Variants in RTN4 observed in about 807,000 individuals in gnomAD.
RTN4 encodes the protein reticulon-4.
Under a neutral mutation model 90.4 loss-of-function variants are expected in RTN4, and 32 were observed. That is an observed-to-expected ratio of 0.35 (90% CI 0.27 to 0.48). The LOEUF (loss-of-function observed/expected upper bound fraction) is 0.48. RTN4 is among the 20% of genes least tolerant of loss of function. RTN4 has a pLI of 0.99. For synonymous variants in RTN4, 629 were observed against 552.5 expected, an observed-to-expected ratio of 1.14 and a Z score of -1.94; for missense variants, 1,706 against 1,430.2, an observed-to-expected ratio of 1.19 and a Z score of -3.11.
intron 1 of RTN4, among the ~76,000 whole-genome samples, chr2:55,096,950 G>C (rs1360147534): frequency 6.6e-6 from 1 of 151,880 alleles, no homozygotes; most frequent in Non-Finnish European, 1.5e-5. Context: ...GTAGATGCGA[G>C]GTATTTATTT....
At chr2:55,055,796 C>A (rs989860931), upstream of RTN4, among the ~76,000 whole-genome samples, 531 of 148,216 alleles carry the variant, frequency 3.6e-3, 1 homozygote, top group South Asian at 7.0e-3. Context: ...AAAACAAAAA[C>A]AAAAACCTAC....
At chr2:55,135,748 C>T in the RTN4 span, among the ~76,000 whole-genome samples, 1 of 152,158 alleles carries the variant, frequency 6.6e-6, no homozygotes, top group Admixed American at 6.5e-5. Context: ...TGCCAATCCC[C>T]CATCCCTAAT....
At chr2:55,136,589 G>A in the RTN4 span, among the ~76,000 whole-genome samples, 37,564 of 152,162 alleles carry the variant, frequency 0.25, 4,928 homozygotes, top group Admixed American at 0.29. Flanking sequence ...CGCCTGAGGC[G>A]GCAAGAATCA....
At chr2:55,090,142 T>C (rs1331050861) in intron 1 of RTN4, among the ~76,000 whole-genome samples, 1 of 152,136 alleles carries the variant, frequency 6.6e-6, no homozygotes, top group African/African-American at 2.4e-5. Context: ...TGGGGCTGTT[T>C]TGAGTGGAAG....
At chr2:55,134,203 T>C in the RTN4 span, among the ~76,000 whole-genome samples, 1 of 151,716 alleles carries the variant, frequency 6.6e-6, no homozygotes, top group Non-Finnish European at 1.5e-5. Context: ...GAGATTGCTT[T>C]TGTGGTCACG....
At chr2:55,119,733 G>T in the RTN4 span, among the ~76,000 whole-genome samples, 30 of 152,308 alleles carry the variant, frequency 2.0e-4, no homozygotes, top group African/African-American at 7.2e-4. Flanking sequence ...GGGCAACCTT[G>T]CTCCCAGACT....
At chr2:55,047,942 A>C (rs1318633163) in intron 1 of RTN4, among the ~76,000 whole-genome samples, 1 of 152,192 alleles carries the variant, frequency 6.6e-6, no homozygotes, top group Non-Finnish European at 1.5e-5. Context: ...AACAGGGGGA[A>C]CAGGATCTGA....
intron 3 of RTN4, among the ~76,000 whole-genome samples, chr2:55,024,406 T>C (rs1681667456): frequency 6.6e-6 from 1 of 152,150 alleles, no homozygotes; most frequent in African/African-American, 2.4e-5. Flanking sequence ...AGTAAATTTA[T>C]CATAATCACT....
At position 55,049,713 on chromosome 2, in the gene RTN4, GGCGGCGCGAAGCGAGAGGTC is replaced by G. The variant is rs776644320; in HGVS notation, c.556+12_556+31del. The G allele has an allele frequency of 6.8e-4, 956 of 1,411,656 alleles. 1 individual carries two copies. Among genetic ancestry groups the G allele is most frequent in the Admixed American group, 7.9e-4 (27 of 34,016 alleles). The allele number at this position is 1,411,656 out of a possible 1,614,324, so 87.4% of individuals were successfully genotyped here. On this transcript the variant is annotated intron_variant, in intron 1 of 8. Coordinates refer to ENST00000337526, the MANE Select transcript of RTN4 (RefSeq NM_020532.5). ...ACACAAAAGAGGGAGGGGCGCGAGG[GGCGGCGCGAAGCGAGAGGTC>G]GCGGCACTCACCCACTGAGCCCGAG... is the stretch of plus-strand genomic sequence containing the variant.
intron 3 of RTN4, among the ~76,000 whole-genome samples, chr2:54,990,728 A>ATTT (rs1413096210): frequency 5.9e-5 from 9 of 152,198 alleles, no homozygotes; most frequent in Admixed American, 3.3e-4. Flanking sequence ...TTATAGGGTA[A>ATTT]GTAAAAGCTA....
chr2:55,111,003 G>A (rs943841894), intron 1 of RTN4, among the ~76,000 whole-genome samples: 8 of 151,966 alleles, frequency 5.3e-5, no homozygotes, highest in South Asian at 2.1e-4. Flanking sequence ...ATCGTACCAC[G>A]GTACTCCAGC....
the RTN4 span, among the ~76,000 whole-genome samples, chr2:55,126,769 T>TCAAC: frequency 6.6e-6 from 1 of 151,920 alleles, no homozygotes; most frequent in Admixed American, 6.6e-5. Flanking sequence ...AGACATGGAG[T>TCAAC]CAACCTAAAT....
intron 1 of RTN4, among the ~76,000 whole-genome samples, chr2:55,098,012 C>G (rs1454378752): frequency 6.6e-6 from 1 of 152,050 alleles, no homozygotes; most frequent in East Asian, 1.9e-4. Flanking sequence ...CTTTTTCTAC[C>G]TCACACAATT....
chr2:55,128,382 G>A, the RTN4 span, among the ~76,000 whole-genome samples: 20 of 152,196 alleles, frequency 1.3e-4, no homozygotes, highest in Admixed American at 2.6e-4. Context: ...CTTGCTTCTG[G>A]TCATGGTGAC....
At chr2:54,986,391 T>C (rs975985264) in intron 4 of RTN4, among the ~76,000 whole-genome samples, 6 of 152,218 alleles carry the variant, frequency 3.9e-5, no homozygotes, top group African/African-American at 1.4e-4. Flanking sequence ...ATGGTCTCTC[T>C]TAAAACTACT....
chr2:55,038,414 T>C (rs934692372), intron 1 of RTN4, among the ~76,000 whole-genome samples: 3 of 152,064 alleles, frequency 2.0e-5, no homozygotes, highest in African/African-American at 7.2e-5. Flanking sequence ...GAGAGAACTC[T>C]TACAAATATG....
At chr2:54,995,423 G>C (rs556140782) in intron 3 of RTN4, among the ~76,000 whole-genome samples, 1 of 151,996 alleles carries the variant, frequency 6.6e-6, no homozygotes, top group East Asian at 1.9e-4. Flanking sequence ...CAAATACTGT[G>C]GTAGGAGCAC....
intron 1 of RTN4, among the ~76,000 whole-genome samples, chr2:55,044,445 T>C (rs12479297): frequency 0.34 from 51,326 of 151,656 alleles, 8,857 homozygotes; most frequent in Non-Finnish European, 0.36. Context: ...GCATGGTGGC[T>C]CATGCCTGTA....
the RTN4 span, among the ~76,000 whole-genome samples, chr2:55,130,020 C>G: frequency 6.6e-6 from 1 of 152,184 alleles, no homozygotes; most frequent in Non-Finnish European, 1.5e-5. Flanking sequence ...TTGAGAAATA[C>G]TTTGCACATG....
Sources: gnomAD v4.1 joint callset for allele counts (sites outside exome capture counted in the v4.1 genomes callset) on GRCh38, gnomAD v4.1.1 for gene constraint, MANE v1.5 for transcripts, NCBI Gene and HGNC (gene_info 2026-07-23, HGNC 2026-07-21) for gene names.